The following SCAPER variants were observed in gnomAD, a reference collection of about 807,000 sequenced individuals.
The protein encoded by SCAPER is S phase cyclin A-associated protein in the endoplasmic reticulum.
A neutral mutation model predicts 182.2 loss-of-function variants in SCAPER; 98 were observed. That is an observed-to-expected ratio of 0.54 (90% CI 0.46 to 0.64). SCAPER has a LOEUF of 0.64. SCAPER is among the 30% of genes least tolerant of loss of function. The pLI, the probability that SCAPER is intolerant of heterozygous loss-of-function variation, is 0.00. For missense variants in SCAPER, 1,432 were observed against 1,690.0 expected (o/e 0.85, Z 2.68); for synonymous variants, 605 against 564.6 (o/e 1.07, Z -1.01).
intron 1 of SCAPER, among the ~76,000 whole-genome samples, chr15:76,902,433 A>C (rs902759842): frequency 3.9e-5 from 6 of 152,068 alleles, no homozygotes; most frequent in Non-Finnish European, 7.4e-5. Flanking sequence ...AAGCATCGGC[A>C]TCAATTTACC....
chr15:76,685,341 T>C (rs2057975673), intron 20 of SCAPER, among the ~76,000 whole-genome samples: 1 of 151,950 alleles, frequency 6.6e-6, no homozygotes, highest in Admixed American at 6.6e-5. Context: ...AAAAGTAAAT[T>C]TGAGTTATAA....
chr15:76,468,790 T>C (rs2049895325), intron 25 of SCAPER, among the ~76,000 whole-genome samples: 1 of 152,134 alleles, frequency 6.6e-6, no homozygotes, highest in South Asian at 2.1e-4. Context: ...TGTGGTGATA[T>C]CTGGAGACGG....
chr15:76,816,442 C>T (rs974285993), intron 5 of SCAPER, among the ~76,000 whole-genome samples: 1 of 152,006 alleles, frequency 6.6e-6, no homozygotes, highest in African/African-American at 2.4e-5. Context: ...CAGGATCTTC[C>T]ACCTCCACAT....
intron 17 of SCAPER, among the ~76,000 whole-genome samples, chr15:76,712,026 G>A (rs2059611166): frequency 6.6e-6 from 1 of 152,128 alleles, no homozygotes; most frequent in South Asian, 2.1e-4. Context: ...CCTATGTCCT[G>A]AATGGTAATG....
At chr15:76,437,007 T>A (rs954366117) in intron 25 of SCAPER, among the ~76,000 whole-genome samples, 1 of 152,232 alleles carries the variant, frequency 6.6e-6, no homozygotes, top group Admixed American at 6.5e-5. Flanking sequence ...CTCAGTATCT[T>A]ACTGTTCTGA....
Position 76,471,306 on chromosome 15 carries a change from T to C in SCAPER, c.2984A>G (p.Asn995Ser), listed in dbSNP as rs1236006985. The C allele has an allele frequency of 6.2e-7, 1 of 1,610,958 alleles. No homozygotes were observed. The highest frequency in any genetic ancestry group is 1.1e-5 in the South Asian group (1 of 90,456). Residue 995 changes from asparagine (N) to serine (S), a missense_variant, in exon 25 of 32, where the codon AAC (asparagine) becomes AGC (serine). This residue lies in a region of SCAPER where 718 missense variants were observed against 799.7 expected (regional missense o/e 0.90). Transcript: ENST00000563290. ...TTCTGAACAGTTATTGCAGGTGAGG[T>C]TGTAAACATTGATTGCATTGCAGAG... ...KSLCNAINVY[N>S]LTCNNCSENC...
intron 23 of SCAPER, among the ~76,000 whole-genome samples, chr15:76,570,463 T>G (rs961165061): frequency 6.6e-6 from 1 of 152,198 alleles, no homozygotes; most frequent in Non-Finnish European, 1.5e-5. Context: ...ACTACTCTGT[T>G]TGCAGTTCAG....
chr15:76,880,200 A>G (rs916515535), intron 2 of SCAPER, among the ~76,000 whole-genome samples: 2 of 152,188 alleles, frequency 1.3e-5, no homozygotes, highest in East Asian at 3.8e-4. Context: ...TGATAACTTC[A>G]GGTTACCACT....
chr15:76,412,557 G>A (rs2045366691), intron 26 of SCAPER, among the ~76,000 whole-genome samples: 2 of 152,022 alleles, frequency 1.3e-5, no homozygotes, highest in South Asian at 2.1e-4. Flanking sequence ...TAATTGGACC[G>A]TATTTGTGTA....
chr15:76,626,922 C>G (rs2052636140), intron 21 of SCAPER, among the ~76,000 whole-genome samples: 1 of 152,080 alleles, frequency 6.6e-6, no homozygotes, highest in Admixed American at 6.5e-5. Flanking sequence ...ACAAGTTATG[C>G]TTAGAACATT....
intron 24 of SCAPER, among the ~76,000 whole-genome samples, chr15:76,498,904 T>C (rs566106921): frequency 2.0e-5 from 3 of 152,216 alleles, no homozygotes; most frequent in South Asian, 2.1e-4. Flanking sequence ...CTGGGTAGCA[T>C]GGATTTACTA....
intron 22 of SCAPER, among the ~76,000 whole-genome samples, chr15:76,584,554 A>G (rs2048494113): frequency 6.6e-6 from 1 of 152,198 alleles, no homozygotes; most frequent in Non-Finnish European, 1.5e-5. Flanking sequence ...GTGCCCACAA[A>G]AATTAAATAT....
At chr15:76,531,858 T>A (rs186324698) in intron 23 of SCAPER, among the ~76,000 whole-genome samples, 103 of 152,270 alleles carry the variant, frequency 6.8e-4, no homozygotes, top group African/African-American at 2.5e-3. Flanking sequence ...TGTGTCCACA[T>A]TGTTTCACTC....
At chr15:76,882,845 T>C (rs1005989670) in intron 2 of SCAPER, among the ~76,000 whole-genome samples, 31 of 152,176 alleles carry the variant, frequency 2.0e-4, no homozygotes. Context: ...TTTGTATTTT[T>C]AGCAGAGACG....
At chr15:76,904,545 TA>T (rs2074960481) in intron 1 of SCAPER, 1 of 152,206 alleles carries the variant, frequency 6.6e-6, no homozygotes, top group African/African-American at 2.4e-5. Flanking sequence ...AGGTGTTGCT[TA>T]CAGGACCAGT....
At chr15:76,442,880 T>A (rs2047713113) in intron 25 of SCAPER, among the ~76,000 whole-genome samples, 1 of 152,160 alleles carries the variant, frequency 6.6e-6, no homozygotes, top group South Asian at 2.1e-4. Context: ...ATTCTGTAGG[T>A]CTTTATTTAT....
intron 20 of SCAPER, among the ~76,000 whole-genome samples, chr15:76,679,333 T>G (rs781466210): frequency 5.3e-5 from 8 of 152,164 alleles, no homozygotes; most frequent in Non-Finnish European, 1.0e-4. Flanking sequence ...AGAAAAAGAC[T>G]GACAGTTCCA....
chr15:76,769,515 C>G (rs1455273058), intron 10 of SCAPER, among the ~76,000 whole-genome samples: 2 of 146,970 alleles, frequency 1.4e-5, no homozygotes, highest in Admixed American at 6.8e-5. Flanking sequence ...AGGATATGAA[C>G]AGACATTTCT....
intron 23 of SCAPER, among the ~76,000 whole-genome samples, chr15:76,545,138 T>C (rs958734913): frequency 6.6e-5 from 10 of 152,200 alleles, no homozygotes; most frequent in Non-Finnish European, 1.3e-4. Flanking sequence ...ATTAACATTA[T>C]GAATTCACGG....
Sources: gnomAD v4.1 joint callset for allele counts (sites outside exome capture counted in the v4.1 genomes callset) on GRCh38, gnomAD v4.1.1 for gene constraint, gnomAD v4.1.1 regional missense constraint, MANE v1.5 for transcripts, NCBI Gene and HGNC (gene_info 2026-07-23, HGNC 2026-07-21) for gene names.